The following CTNNA2 variants were observed in gnomAD, a reference collection of about 807,000 sequenced individuals.
CTNNA2 encodes the protein catenin alpha-2.
CTNNA2 carries 42 observed loss-of-function variants against 101.0 expected under a neutral mutation model. The observed-to-expected ratio is 0.42, with a 90% CI of 0.32 to 0.54. The LOEUF is 0.54. Among genes scored for constraint, CTNNA2 ranks in the 20% least tolerant of loss-of-function variants. The pLI, the probability that CTNNA2 is intolerant of heterozygous loss-of-function variation, is 0.14. For synonymous variants in CTNNA2, 450 were observed against 456.4 expected, an observed-to-expected ratio of 0.99 and a Z score of 0.18; for missense variants, 871 against 1,223.1, an observed-to-expected ratio of 0.71 and a Z score of 4.29.
chr2:80,526,128 C>A (rs1690010317), intron 9 of CTNNA2, among the ~76,000 whole-genome samples: 3 of 152,144 alleles, frequency 2.0e-5, no homozygotes, highest in Non-Finnish European at 4.4e-5. Flanking sequence ...CACTATAGTT[C>A]AAACCTGCAT....
At chr2:80,228,174 C>G (rs1476521809) in intron 7 of CTNNA2, among the ~76,000 whole-genome samples, 1 of 152,128 alleles carries the variant, frequency 6.6e-6, no homozygotes, top group Non-Finnish European at 1.5e-5. Context: ...TTGCCTAAGT[C>G]CATTTGGGCT....
At chr2:79,357,920 C>A (rs1677544444) in intron 3 of CTNNA2, among the ~76,000 whole-genome samples, 1 of 152,036 alleles carries the variant, frequency 6.6e-6, no homozygotes. Flanking sequence ...GATATGAGTT[C>A]TCCTTTGCTA....
intron 7 of CTNNA2, among the ~76,000 whole-genome samples, chr2:80,309,278 T>C (rs1260803462): frequency 6.6e-6 from 1 of 152,184 alleles, no homozygotes; most frequent in African/African-American, 2.4e-5. Context: ...CTTACCTTCA[T>C]TTTAACTATC....
At chr2:80,557,667 C>A (rs534929870) in intron 12 of CTNNA2, among the ~76,000 whole-genome samples, 1 of 152,304 alleles carries the variant, frequency 6.6e-6, no homozygotes, top group Admixed American at 6.5e-5. Context: ...ACAGATAACT[C>A]AGGCACTGTT....
intron 7 of CTNNA2, among the ~76,000 whole-genome samples, chr2:80,094,209 C>T (rs1699989629): frequency 6.6e-6 from 1 of 152,130 alleles, no homozygotes; most frequent in Non-Finnish European, 1.5e-5. Flanking sequence ...GATCCAGTTT[C>T]AGCTTTCTAC....
intron 9 of CTNNA2, among the ~76,000 whole-genome samples, chr2:80,503,401 T>C (rs1688028569): frequency 6.6e-6 from 1 of 152,132 alleles, no homozygotes; most frequent in African/African-American, 2.4e-5. Context: ...ATGACAACAA[T>C]GGTTGCCAGA....
chr2:80,048,584 T>A (rs1217431058), intron 7 of CTNNA2, among the ~76,000 whole-genome samples: 1 of 152,170 alleles, frequency 6.6e-6, no homozygotes, highest in Non-Finnish European at 1.5e-5. Context: ...ATAGCAAATA[T>A]ATGATGCCAT....
At chr2:79,390,163 CTAAT>C (rs1678156853) in intron 4 of CTNNA2, among the ~76,000 whole-genome samples, 1 of 152,132 alleles carries the variant, frequency 6.6e-6, no homozygotes, top group African/African-American at 2.4e-5. Flanking sequence ...TATTTGGAAA[CTAAT>C]TAAGTTTGAT....
intron 7 of CTNNA2, among the ~76,000 whole-genome samples, chr2:80,318,809 T>C (rs1416514158): frequency 6.6e-6 from 1 of 152,144 alleles, no homozygotes; most frequent in African/African-American, 2.4e-5. Context: ...TAGGATTCTT[T>C]CCAAGCCCGT....
At chr2:80,476,144 A>G (rs1685710349) in intron 9 of CTNNA2, among the ~76,000 whole-genome samples, 1 of 152,100 alleles carries the variant, frequency 6.6e-6, no homozygotes, top group African/African-American at 2.4e-5. Context: ...ATGTCCTTTA[A>G]TTAGCTGAAC....
intron 14 of CTNNA2, among the ~76,000 whole-genome samples, chr2:80,586,053 C>T (rs1278891226): frequency 6.6e-6 from 1 of 152,072 alleles, no homozygotes; most frequent in East Asian, 1.9e-4. Context: ...TGTGTGTGTC[C>T]GTTCTGGCAA....
intron 5 of CTNNA2, among the ~76,000 whole-genome samples, chr2:79,870,596 A>G (rs558655587): frequency 1.3e-5 from 2 of 152,238 alleles, no homozygotes; most frequent in South Asian, 4.2e-4. Flanking sequence ...ATGCTGTTAT[A>G]AAGAACTGCC....
At chr2:79,874,819 G>C (rs1035053864) in intron 6 of CTNNA2, among the ~76,000 whole-genome samples, 5 of 152,138 alleles carry the variant, frequency 3.3e-5, no homozygotes, top group African/African-American at 1.2e-4. Flanking sequence ...GGGGAAAAAA[G>C]AAGAAACAAC....
At chr2:79,895,632 A>G (rs1380813417) in intron 6 of CTNNA2, among the ~76,000 whole-genome samples, 2 of 151,136 alleles carry the variant, frequency 1.3e-5, no homozygotes, top group African/African-American at 4.9e-5. Context: ...AAATTCAACC[A>G]TTGATCATCC....
chr2:80,348,869 G>A (rs1673029124), intron 7 of CTNNA2, among the ~76,000 whole-genome samples: 1 of 152,102 alleles, frequency 6.6e-6, no homozygotes, highest in Non-Finnish European at 1.5e-5. Context: ...GAATTTGCAA[G>A]AGGTAGATGC....
Position 79,218,287 on chromosome 2 carries a change from C to T in CTNNA2, c.-406+20211C>T, listed in dbSNP as rs78166892. Among the ~76,000 whole-genome samples, 81 of 147,832 alleles carry T rather than the reference C, an allele frequency of 5.5e-4. 1 individual carries two copies. In the East Asian group the frequency reaches 0.016, roughly 29 times the overall value. The stretch of plus-strand genomic sequence containing the variant: ...AGAGTCTGAGCTTCCTTTCCTAAGC[C>T]AGGCACCAGAATCTTCATGAACTTT... On this transcript the variant is annotated intron_variant, in intron 2 of 21. Transcript: ENST00000466387.
chr2:79,714,979 T>A (rs1331606128), intron 2 of CTNNA2, among the ~76,000 whole-genome samples: 2 of 144,958 alleles, frequency 1.4e-5, no homozygotes, highest in African/African-American at 5.2e-5. Context: ...TCACCTGAGG[T>A]CAGGAGTTTG....
chr2:79,536,476 C>A (rs72921183), intron 1 of CTNNA2, among the ~76,000 whole-genome samples: 2 of 151,776 alleles, frequency 1.3e-5, no homozygotes, highest in African/African-American at 2.4e-5. Context: ...CTTAAAATTG[C>A]GAAACTGTGG....
intron 7 of CTNNA2, among the ~76,000 whole-genome samples, chr2:80,027,424 A>T (rs1047916706): frequency 6.6e-6 from 1 of 152,222 alleles, no homozygotes; most frequent in Non-Finnish European, 1.5e-5. Flanking sequence ...GTCTACGAAA[A>T]TGTCAGAAAG....
Sources: allele counts gnomAD v4.1 joint callset (sites outside exome capture counted in the v4.1 genomes callset), GRCh38; gene constraint gnomAD v4.1.1; transcripts MANE v1.5; gene names NCBI Gene and HGNC (gene_info 2026-07-23, HGNC 2026-07-21).